The following TMIGD3 variants were observed in gnomAD, a reference collection of about 807,000 sequenced individuals.
TMIGD3 encodes the protein transmembrane and immunoglobulin domain containing 3, also known as AD026 protein (AD026).
TMIGD3 carries 21 observed loss-of-function variants against 28.1 expected under a neutral mutation model. The ratio of observed to expected loss-of-function variants is 0.75; its 90% CI spans 0.53 to 1.08. TMIGD3 has a LOEUF of 1.08. Among genes scored for constraint, TMIGD3 ranks in the 50% least tolerant of loss-of-function variants. The pLI, the probability that TMIGD3 is intolerant of heterozygous loss-of-function variation, is 0.00. For synonymous variants in TMIGD3, 151 were observed against 162.1 expected (o/e 0.93, Z 0.52); for missense variants, 416 against 435.6 (o/e 0.96, Z 0.40).
At chr1:111,549,770 C>CT (rs1657186877) in intron 1 of TMIGD3, among the ~76,000 whole-genome samples, 2 of 152,114 alleles carry the variant, frequency 1.3e-5, no homozygotes, top group Admixed American at 6.6e-5. Flanking sequence ...CACTGCAGCC[C>CT]CCCATGTATC....
intron 1 of TMIGD3, among the ~76,000 whole-genome samples, chr1:111,502,713 A>G (rs1432682255): frequency 1.3e-5 from 2 of 151,600 alleles, no homozygotes. Flanking sequence ...TTAAAGATGC[A>G]TCAAGATTTC....
upstream of TMIGD3, chr1:111,505,109 G>T (rs148843295): frequency 2.2e-3 from 999 of 447,282 alleles, 10 homozygotes; most frequent in African/African-American, 0.022. Flanking sequence ...AAATTTCTAG[G>T]AGGCAGCACT....
At chr1:111,504,756 G>T, upstream of TMIGD3, 1 of 560,628 alleles carries the variant, frequency 1.8e-6, no homozygotes, top group Non-Finnish European at 2.3e-6. Context: ...CTCTGCCTGG[G>T]GCTCATCAGG....
intron 1 of TMIGD3, among the ~76,000 whole-genome samples, chr1:111,537,726 A>G (rs972477752): frequency 7.9e-5 from 12 of 152,368 alleles, no homozygotes; most frequent in Middle Eastern, 3.4e-3. Context: ...ATTGCTAAGG[A>G]ATAAAAATAT....
upstream of TMIGD3, among the ~76,000 whole-genome samples, chr1:111,507,947 G>A (rs1210254225): frequency 6.6e-6 from 1 of 152,204 alleles, no homozygotes; most frequent in African/African-American, 2.4e-5. Context: ...TTCCCGCGCC[G>A]GGGGCTGATC....
intron 1 of TMIGD3, among the ~76,000 whole-genome samples, chr1:111,519,365 T>C (rs1185386186): frequency 1.3e-5 from 2 of 152,232 alleles, no homozygotes; most frequent in Non-Finnish European, 2.9e-5. Context: ...TGGGAAATAA[T>C]GGCAGCACTT....
intron 1 of TMIGD3, among the ~76,000 whole-genome samples, chr1:111,498,975 C>T (rs931535944): frequency 6.6e-6 from 1 of 151,698 alleles, no homozygotes; most frequent in Non-Finnish European, 1.5e-5. Flanking sequence ...TACCTGGTCC[C>T]AGTCACTTGG....
intron 1 of TMIGD3, among the ~76,000 whole-genome samples, chr1:111,499,097 AAAAAG>A (rs1417133182): frequency 1.4e-5 from 2 of 141,530 alleles, no homozygotes; most frequent in Admixed American, 6.8e-5. Flanking sequence ...TCTCAAAAAA[AAAAAG>A]AAAAAAAAGA....
chr1:111,526,650 T>C (rs1218641200), intron 1 of TMIGD3, among the ~76,000 whole-genome samples: 1 of 152,242 alleles, frequency 6.6e-6, no homozygotes, highest in Non-Finnish European at 1.5e-5. Flanking sequence ...GTACATTTAT[T>C]ATAATGAAAG....
At chr1:111,487,275 C>A (rs1654425937) in intron 3 of TMIGD3, among the ~76,000 whole-genome samples, 2 of 152,186 alleles carry the variant, frequency 1.3e-5, no homozygotes, top group African/African-American at 4.8e-5. Context: ...CAGAACAACA[C>A]AAAGTAGAAA....
chr1:111,485,542 A>G (rs1654320621), intron 5 of TMIGD3, 198 bp downstream of exon 5: 2 of 506,242 alleles, frequency 4.0e-6, no homozygotes, highest in Admixed American at 3.7e-5. Context: ...AGAAAGCTCC[A>G]GTGCTCCCTC....
In TMIGD3 at chr1:111,488,724, A is replaced by G. The variant is rs774296698; in HGVS notation, c.758T>C (p.Val253Ala). The change falls in exon 3 of 6, where the codon GTA becomes GCA. Residue 253 changes from valine (V) to alanine (A), a missense_variant. By Grantham distance (64) the Val-to-Ala change is moderately conservative. Coordinates refer to ENST00000369716, the MANE Select transcript of TMIGD3 (RefSeq NM_020683.7). ...RDDMDFTELI[V>A]TDDKGTLAND... ...GGCCAGGGTTCCTTTGTCGTCAGTT[A>G]CAATCAGCTCTGTAAAATCCATGTC... 1.9e-6 allele frequency: 3 copies of G among 1,614,056 alleles called. No homozygotes were observed. Among genetic ancestry groups the G allele is most frequent in the South Asian group, 2.2e-5 (2 of 91,090 alleles).
At chr1:111,488,501 C>T (rs989772793) in intron 3 of TMIGD3, among the ~76,000 whole-genome samples, 176 bp downstream of exon 3, 21 of 152,178 alleles carry the variant, frequency 1.4e-4, no homozygotes, top group Admixed American at 6.5e-5. Flanking sequence ...TCCAGCTATT[C>T]CCCAGCACTG....
At chr1:111,551,727 T>C (rs1202584913) in intron 1 of TMIGD3, among the ~76,000 whole-genome samples, 1 of 150,198 alleles carries the variant, frequency 6.7e-6, no homozygotes, top group African/African-American at 2.4e-5. Context: ...GGTTTTTTGG[T>C]TTTGTTTTGT....
At chr1:111,560,392 T>A (rs764774229) in intron 1 of TMIGD3, among the ~76,000 whole-genome samples, 7 of 151,822 alleles carry the variant, frequency 4.6e-5, no homozygotes, top group Non-Finnish European at 7.4e-5. Context: ...TTCACTAAGT[T>A]CTTAACAAAT....
chr1:111,518,571 G>A (rs11102297), intron 1 of TMIGD3, among the ~76,000 whole-genome samples: 3 of 152,308 alleles, frequency 2.0e-5, no homozygotes, highest in Admixed American at 6.5e-5. Flanking sequence ...TGATCTAAAC[G>A]AGAAGCCTAA....
intron 1 of TMIGD3, among the ~76,000 whole-genome samples, chr1:111,513,590 T>A (rs1655763182): frequency 6.6e-6 from 1 of 152,178 alleles, no homozygotes; most frequent in African/African-American, 2.4e-5. Context: ...TAAAATCTCA[T>A]TCTGTCCTTG....
intron 2 of TMIGD3, chr1:111,489,379 G>T: frequency 3.7e-6 from 1 of 271,144 alleles, no homozygotes; most frequent in Non-Finnish European, 6.9e-6. Context: ...TGGCCCATGA[G>T]GACACAGCCA....
intron 1 of TMIGD3, among the ~76,000 whole-genome samples, chr1:111,519,864 T>A (rs1655997008): frequency 6.6e-6 from 1 of 152,110 alleles, no homozygotes; most frequent in South Asian, 2.1e-4. Context: ...AGCTAATTTT[T>A]GTATTTTTAA....
Sources: allele counts gnomAD v4.1 joint callset (sites outside exome capture counted in the v4.1 genomes callset), GRCh38; gene constraint gnomAD v4.1.1; transcripts MANE v1.5; gene names NCBI Gene and HGNC (gene_info 2026-07-23, HGNC 2026-07-21).